Variants in PLA2G6 observed in about 807,000 individuals in gnomAD.
PLA2G6 encodes the protein 85/88 kDa calcium-independent phospholipase A2.
In PLA2G6, 62 loss-of-function variants were observed where a neutral mutation model predicts 83.8. The ratio of observed to expected loss-of-function variants is 0.74; its 90% confidence interval spans 0.60 to 0.91. The LOEUF (loss-of-function observed/expected upper bound fraction) is 0.91, where lower values mean the gene tolerates loss of function less well. Ranked by LOEUF, PLA2G6 falls within the 40% of genes least tolerant of loss-of-function variation. The probability of loss-of-function intolerance (pLI) is 0.00; values close to 1 mark genes in which losing one functional copy is unlikely to be tolerated. For missense variants in PLA2G6, 944 were observed against 1,102.0 expected (o/e 0.86, Z 2.03); for synonymous variants, 417 against 449.8 (o/e 0.93, Z 0.92).
intron 7 of PLA2G6, 66 bp from the exon 8 acceptor site, chr22:38,129,628 G>A: frequency 8.0e-7 from 1 of 1,242,382 alleles, no homozygotes; most frequent in South Asian, 1.2e-5. Flanking sequence ...AGGGGCCCCT[G>A]GCTGCCAGCC....
At position 38,139,756 on chromosome 22, in the gene PLA2G6, C is replaced by A. The variant is rs1192258586; in HGVS notation, c.797+226G>T. 2.0e-5 allele frequency: 11 copies of A among 563,272 alleles called. No homozygotes were observed. In the Admixed American group the frequency reaches 3.4e-4, roughly 17 times the overall value. 34.9% of individuals were successfully genotyped at this position (563,272 alleles called of 1,614,324 possible). ...AGCCAGAAAAATTTTAAAGTCTCCT[C>A]CTTGCACAGCTGAACTTGTGAACCG... On this transcript the variant is annotated intron_variant, in intron 5 of 16. Transcript: ENST00000332509.
intron 2 of PLA2G6, among the ~76,000 whole-genome samples, chr22:38,151,422 G>A (rs2089554826): frequency 6.6e-6 from 1 of 152,060 alleles, no homozygotes. Flanking sequence ...TGTATTTTCA[G>A]TAGAGACAGG....
chr22:38,136,184 G>A (rs1027695152), intron 5 of PLA2G6: 1 of 152,186 alleles, frequency 6.6e-6, no homozygotes, highest in South Asian at 2.1e-4. Context: ...AGAATCGGGA[G>A]TTATTAATGG....
At chr22:38,171,020 A>T (rs1335146427) in intron 1 of PLA2G6, among the ~76,000 whole-genome samples, 1 of 152,050 alleles carries the variant, frequency 6.6e-6, no homozygotes, top group Non-Finnish European at 1.5e-5. Flanking sequence ...AAAATACAAA[A>T]AATTAGCCAG....
intron 2 of PLA2G6, chr22:38,148,609 C>G: frequency 1.4e-6 from 1 of 713,784 alleles, no homozygotes; most frequent in South Asian, 1.5e-5. Context: ...GACACAGGGA[C>G]TGGAGCCCAG....
intron 3 of PLA2G6, chr22:38,145,032 C>CTTT (rs968832533): frequency 1.1e-3 from 214 of 192,542 alleles, no homozygotes; most frequent in South Asian, 2.1e-3. Context: ...AACGCAGCAC[C>CTTT]TTTTTTTTTT....
chr22:38,175,766 T>C (rs890486335), intron 1 of PLA2G6, among the ~76,000 whole-genome samples: 2 of 152,164 alleles, frequency 1.3e-5, no homozygotes, highest in Non-Finnish European at 2.9e-5. Flanking sequence ...ACACACACCA[T>C]GTGAGAATGG....
intron 2 of PLA2G6, among the ~76,000 whole-genome samples, chr22:38,167,667 C>A (rs1489132938): frequency 6.6e-6 from 1 of 152,226 alleles, no homozygotes; most frequent in East Asian, 1.9e-4. Context: ...CTGGTGCCTG[C>A]ACTGGCCACT....
Position 38,143,099 on chromosome 22 carries a change from G to T in PLA2G6, c.609+6C>A. ...TACCAGTCACCCTGCCCCTCCCCCT[G>T]CTCACCTGCAGCACCTGAGAATTGT... On this transcript the variant is annotated splice_donor_region_variant and intron_variant, in intron 4 of 16. Coordinates refer to ENST00000332509, the MANE Select transcript of PLA2G6 (RefSeq NM_003560.4). 6.2e-7 allele frequency: 1 copy of T among 1,613,820 alleles called. No individual in the cohort carries two copies. The highest frequency in any genetic ancestry group is 1.3e-5 in the African/African-American group (1 of 75,040).
In PLA2G6 at chr22:38,140,664, A is replaced by G; in HGVS notation, c.610-495T>C. ...ATCTCAGGATGGGCACTGGGGGTCC[A>G]GGTGGGAATGATTCTTGCTTTTCAT... On this transcript the variant is annotated intron_variant, in intron 4 of 16. Transcript: ENST00000332509. The G allele has an allele frequency of 1.1e-5, 2 of 184,358 alleles. 1 individual carries two copies. Among genetic ancestry groups the G allele is most frequent in the South Asian group, 2.1e-4 (2 of 9,532 alleles). The allele number at this position is 184,358 out of a possible 1,614,324, so 11.4% of individuals were successfully genotyped here.
intron 10 of PLA2G6, among the ~76,000 whole-genome samples, chr22:38,125,110 G>C (rs2087759349): frequency 6.7e-6 from 1 of 150,232 alleles, no homozygotes. Flanking sequence ...GCACAGGTGT[G>C]TGTATGTACA....
At position 38,132,160 on chromosome 22, in the gene PLA2G6, C is replaced by T. The variant is rs147892481; in HGVS notation, c.1077+671G>A. The T allele has an allele frequency of 2.5e-4, 113 of 454,344 alleles. 1 individual carries two copies. The East Asian group carries it at 7.1e-3, about 29-fold the overall frequency. The allele number at this position is 454,344 out of a possible 1,614,324, so 28.1% of individuals were successfully genotyped here. On this transcript the variant is annotated intron_variant, in intron 7 of 16. Coordinates refer to ENST00000332509, the MANE Select transcript of PLA2G6 (RefSeq NM_003560.4). This position sits in a 1 kb window ranked among gnomAD's most constrained non-coding sequence, Gnocchi z 5.0. Reference sequence around the variant, plus strand: ...CACACATATGTCTGTAACACAGTAACGTCCTCCTCTGCTAGGTTTAATATG... The same window carrying T: ...CACACATATGTCTGTAACACAGTAATGTCCTCCTCTGCTAGGTTTAATATG...
At chr22:38,121,320 T>A (rs1569250280) in intron 11 of PLA2G6, among the ~76,000 whole-genome samples, 1 of 152,140 alleles carries the variant, frequency 6.6e-6, no homozygotes, top group Non-Finnish European at 1.5e-5. Context: ...GAGGTTGCAG[T>A]GAGCCAAGAT....
Position 38,140,046 on chromosome 22 carries a change from G to A in PLA2G6, c.733C>T (p.Arg245Trp), listed in dbSNP as rs141685950. Residue 245 changes from arginine to tryptophan, a missense_variant, in exon 5 of 17, where the codon CGG becomes TGG. Transcript: ENST00000332509. Reference sequence around the variant, plus strand: ...CCGTTGGGGCCCATGATGTTGCACCGAGCATTGCACAGCAGCAGCACGCGG... The same window carrying A: ...CCGTTGGGGCCCATGATGTTGCACCAAGCATTGCACAGCAGCAGCACGCGG... ...MVRVLLLCNA[R>W]CNIMGPNGYP... The A allele has an allele frequency of 2.6e-5, 42 of 1,613,214 alleles. No individual in the cohort carries two copies. Among genetic ancestry groups the A allele is most frequent in the Middle Eastern group, 3.3e-4 (2 of 6,082 alleles).
chr22:38,138,767 T>G (rs1352125900), intron 5 of PLA2G6: 1 of 152,154 alleles, frequency 6.6e-6, no homozygotes, highest in East Asian at 1.9e-4. Context: ...CCTCCCAGTT[T>G]CAAACAATTC....
chr22:38,167,176 C>T (rs132980), intron 2 of PLA2G6, among the ~76,000 whole-genome samples: 17,014 of 146,896 alleles, frequency 0.12, 1,177 homozygotes, highest in African/African-American at 0.18. Context: ...TGCAGTAAGC[C>T]GAGATCGCGT....
At chr22:38,175,586 C>T (rs1000419201) in intron 1 of PLA2G6, among the ~76,000 whole-genome samples, 60 of 152,330 alleles carry the variant, frequency 3.9e-4, no homozygotes, top group African/African-American at 1.4e-3. Context: ...CTTTCTTAAC[C>T]TGAATGTGTG....
At chr22:38,134,647 T>G in intron 6 of PLA2G6, 1 of 322,924 alleles carries the variant, frequency 3.1e-6, no homozygotes, top group Non-Finnish European at 5.9e-6. Context: ...GAATCCTGAC[T>G]AATAATACAA....
At chr22:38,112,834 G>A (rs112949068) in intron 15 of PLA2G6, 15 of 588,170 alleles carry the variant, frequency 2.6e-5, no homozygotes, top group African/African-American at 1.7e-4. Flanking sequence ...AAAGGGTAGC[G>A]GCTGAGTCGA....
Sources: gnomAD v4.1 joint callset for allele counts (sites outside exome capture counted in the v4.1 genomes callset) on GRCh38, gnomAD v4.1.1 for gene constraint, Gnocchi (gnomAD v3.1) non-coding constraint, MANE v1.5 for transcripts, NCBI Gene and HGNC (gene_info 2026-07-23, HGNC 2026-07-21) for gene names.